Variants in MGST2 observed in about 807,000 individuals in gnomAD.
The protein encoded by MGST2 is microsomal glutathione S-transferase 2.
Under a neutral mutation model 16.6 loss-of-function variants are expected in MGST2, and 9 were observed. That is an observed-to-expected ratio of 0.54 (90% CI 0.33 to 0.95). The LOEUF is 0.95. Ranked by LOEUF, MGST2 falls within the 40% of genes least tolerant of loss-of-function variation. The pLI, the probability that MGST2 is intolerant of heterozygous loss-of-function variation, is 0.03. For missense variants in MGST2, 159 were observed against 175.1 expected, an observed-to-expected ratio of 0.91 and a Z score of 0.52; for synonymous variants, 79 against 68.0, an observed-to-expected ratio of 1.16 and a Z score of -0.79.
intron 2 of MGST2, among the ~76,000 whole-genome samples, chr4:139,686,146 C>T (rs1579307155): frequency 6.6e-6 from 1 of 152,216 alleles, no homozygotes; most frequent in East Asian, 1.9e-4. Context: ...AAAAGTGGGA[C>T]AATGTGAAGT....
chr4:139,720,285 C>A, intron 5 of MGST2: 1 of 1,564,038 alleles, frequency 6.4e-7, no homozygotes, highest in Non-Finnish European at 8.7e-7. Flanking sequence ...CTCTGGAGGG[C>A]TGCTTGGCTT....
At chr4:139,708,592 C>T (rs546182384), downstream of MGST2, among the ~76,000 whole-genome samples, 7 of 152,216 alleles carry the variant, frequency 4.6e-5, no homozygotes, top group African/African-American at 1.7e-4. Context: ...TTTTCCAATT[C>T]TGTGAAGAAA....
intron 2 of MGST2, among the ~76,000 whole-genome samples, chr4:139,688,458 G>A (rs1420438695): frequency 1.3e-5 from 2 of 151,566 alleles, no homozygotes; most frequent in Admixed American, 6.6e-5. Flanking sequence ...CCTGATCATC[G>A]TGAATCTCGG....
chr4:139,711,508 G>A (rs1727740820), intron 5 of MGST2, among the ~76,000 whole-genome samples: 1 of 152,126 alleles, frequency 6.6e-6, no homozygotes, highest in Non-Finnish European at 1.5e-5. Flanking sequence ...AACATATAGG[G>A]TAACTCCCTG....
Position 139,678,513 on chromosome 4 carries a change from C to T in MGST2, c.59-30C>T, listed in dbSNP as rs1325511387. On this transcript the variant is annotated intron_variant, in intron 1 of 4. Transcript: ENST00000265498. ...ACTAATGACTAATGACGTGCCCCAT[C>T]TTTAACGCAACATTTCCCTTTACTT... 1.9e-6 allele frequency: 3 copies of T among 1,564,496 alleles called. No homozygotes were observed. The African/African-American group carries it at 4.1e-5, about 21-fold the overall frequency.
intron 5 of MGST2, among the ~76,000 whole-genome samples, chr4:139,716,065 T>TG (rs552994382): frequency 1.2e-3 from 180 of 152,300 alleles, no homozygotes; most frequent in African/African-American, 4.2e-3. Flanking sequence ...GTGCCCGGTC[T>TG]GGGGGGCACC....
In MGST2 at chr4:139,715,295, C is replaced by G. The variant is rs1403675936; in HGVS notation, c.*48+11099C>G. 1.3e-5 allele frequency among the ~76,000 whole-genome samples: 2 copies of G among 152,152 alleles called. No homozygotes were observed. The highest frequency in any genetic ancestry group is 4.8e-5 in the African/African-American group (2 of 41,424). ...TTTCCTTTGTGTTAGGGGGTGTCTC[C>G]CCAGTATCGTCCCATCGTTCTCCAG... On this transcript the variant is annotated intron_variant, in intron 5 of 5. Transcript: ENST00000616265. The surrounding 1 kb of genome is among the most constrained non-coding windows in gnomAD (Gnocchi z 4.4).
intron 2 of MGST2, among the ~76,000 whole-genome samples, chr4:139,682,498 G>A (rs1315598833): frequency 2.6e-5 from 4 of 152,156 alleles, no homozygotes; most frequent in Non-Finnish European, 4.4e-5. Flanking sequence ...GGCAGGGAGT[G>A]GGAGGAGGTC....
intron 2 of MGST2, among the ~76,000 whole-genome samples, chr4:139,681,080 A>G (rs1392343942): frequency 6.6e-6 from 1 of 152,106 alleles, no homozygotes; most frequent in Non-Finnish European, 1.5e-5. Flanking sequence ...ACAGTGGCAC[A>G]ATCTCACCTC....
At chr4:139,754,108 T>C in the MGST2 span, among the ~76,000 whole-genome samples, 173 of 152,364 alleles carry the variant, frequency 1.1e-3, 3 homozygotes, top group South Asian at 0.015. Context: ...TAGTAACATA[T>C]AAACTGGCAT....
the MGST2 span, among the ~76,000 whole-genome samples, chr4:139,752,288 T>C: frequency 6.6e-6 from 1 of 152,224 alleles, no homozygotes; most frequent in African/African-American, 2.4e-5. Context: ...ATTTCACAGA[T>C]GTAAAAATGT....
the MGST2 span, among the ~76,000 whole-genome samples, chr4:139,747,470 G>C: frequency 6.6e-6 from 1 of 152,136 alleles, no homozygotes; most frequent in African/African-American, 2.4e-5. Context: ...GAGGCAGGTG[G>C]ATCACCTGAG....
chr4:139,738,680 C>T (rs1389082976), intron 5 of MGST2, among the ~76,000 whole-genome samples: 1 of 150,284 alleles, frequency 6.7e-6, no homozygotes, highest in African/African-American at 2.5e-5. Context: ...ATTTGAAAAA[C>T]AATGCAGAAA....
intron 5 of MGST2, chr4:139,720,269 C>T (rs747076119): frequency 2.0e-5 from 32 of 1,587,058 alleles, no homozygotes; most frequent in East Asian, 9.0e-5. Context: ...CCGTGACGTT[C>T]GCATGCTCTG....
intron 5 of MGST2, chr4:139,720,024 C>T (rs1448100347): frequency 3.1e-6 from 5 of 1,614,084 alleles, no homozygotes; most frequent in Non-Finnish European, 3.4e-6. Flanking sequence ...ACCCCCTGCC[C>T]AGAGGCAGGT....
intron 5 of MGST2, among the ~76,000 whole-genome samples, chr4:139,732,287 G>A (rs117708789): frequency 6.6e-6 from 1 of 152,272 alleles, no homozygotes; most frequent in East Asian, 1.9e-4. Flanking sequence ...GACCGTCCTG[G>A]ATTTGATTCC....
chr4:139,720,437 A>C lies in MGST2; in HGVS notation c.*48+16241A>C, dbSNP rs970849376. On this transcript the variant is annotated intron_variant, in intron 5 of 5. Coordinates refer to the MGST2 transcript ENST00000616265. Reference sequence around the variant, plus strand: ...AAAATTCCTTTATATGAAAGGATCTACTCTGATAATAAATCTGTAACAAAA... The same window carrying C: ...AAAATTCCTTTATATGAAAGGATCTCCTCTGATAATAAATCTGTAACAAAA... The C allele has an allele frequency of 5.8e-6, 5 of 866,536 alleles. No homozygotes were observed. The African/African-American group carries it at 6.8e-5, about 12-fold the overall frequency. 53.7% of individuals were successfully genotyped at this position (866,536 alleles called of 1,614,324 possible).
chr4:139,701,985 G>A (rs1727274335), intron 3 of MGST2, among the ~76,000 whole-genome samples: 1 of 150,726 alleles, frequency 6.6e-6, no homozygotes, highest in Non-Finnish European at 1.5e-5. Context: ...AAAAAATCAT[G>A]CGGCCAAGTA....
chr4:139,746,901 G>A, the MGST2 span, among the ~76,000 whole-genome samples: 1 of 152,168 alleles, frequency 6.6e-6, no homozygotes, highest in Non-Finnish European at 1.5e-5. Flanking sequence ...GTGGGAGGGG[G>A]TTGCTGGCGT....
Sources: allele counts gnomAD v4.1 joint callset (sites outside exome capture counted in the v4.1 genomes callset), GRCh38; gene constraint gnomAD v4.1.1; non-coding constraint Gnocchi (gnomAD v3.1); transcripts MANE v1.5; gene names NCBI Gene and HGNC (gene_info 2026-07-23, HGNC 2026-07-21).